The following ST7 variants were observed in gnomAD, a reference collection of about 807,000 sequenced individuals.
ST7 encodes the protein suppressor of tumorigenicity 7 protein.
In ST7, 28 loss-of-function variants were observed where a neutral mutation model predicts 78.7. The observed-to-expected ratio is 0.36, with a 90% CI of 0.26 to 0.49. ST7 has a LOEUF of 0.49. ST7 is among the 20% of genes least tolerant of loss of function. The pLI, the probability that ST7 is intolerant of heterozygous loss-of-function variation, is 0.99. For missense variants in ST7, 418 were observed against 696.0 expected (o/e 0.60, Z 4.49); for synonymous variants, 247 against 249.6 (o/e 0.99, Z 0.10).
intron 1 of ST7, chr7:116,959,181 A>G: frequency 8.5e-6 from 4 of 469,078 alleles, no homozygotes; most frequent in South Asian, 6.2e-5. Context: ...CACCAGGAGT[A>G]GATTCTATCT....
chr7:117,075,204 T>C (rs1260768804), intron 1 of ST7, among the ~76,000 whole-genome samples: 1 of 152,232 alleles, frequency 6.6e-6, no homozygotes, highest in Non-Finnish European at 1.5e-5. Context: ...CATGAAAATT[T>C]ATACTAATGG....
chr7:117,141,599 G>A (rs1315913870), intron 9 of ST7, among the ~76,000 whole-genome samples: 1 of 152,186 alleles, frequency 6.6e-6, no homozygotes, highest in Non-Finnish European at 1.5e-5. Flanking sequence ...CCTTACTGCT[G>A]AAGGAATATT....
intron 1 of ST7, chr7:116,954,907 CA>C (rs1274367706): frequency 3.5e-6 from 1 of 285,120 alleles, no homozygotes; most frequent in African/African-American, 2.2e-5. Flanking sequence ...TTGTACCTTT[CA>C]GATACTAACT....
intron 10 of ST7, chr7:117,184,157 G>A (rs1051954544): frequency 3.3e-5 from 5 of 152,374 alleles, no homozygotes; most frequent in Middle Eastern, 6.8e-3. Context: ...AGATGGCAAA[G>A]AGGTGGAAGA....
At position 117,070,941 on chromosome 7, in the gene ST7, T is replaced by C. The variant is rs150844486; in HGVS notation, c.152-28821T>C. On this transcript the variant is annotated intron_variant, in intron 1 of 15. Transcript: ENST00000323984. ...ATTTTTTGTGCATTTCACCACCATC[T>C]AAAAAACTATATTCCAGCCTGTAAT... 9.7e-4 allele frequency among the ~76,000 whole-genome samples: 147 copies of C among 151,692 alleles called. 1 individual carries two copies. The highest frequency in any genetic ancestry group is 3.4e-3 in the Middle Eastern group (1 of 294).
intron 1 of ST7, chr7:116,968,359 C>T (rs1160380066): frequency 2.6e-6 from 1 of 386,888 alleles, no homozygotes; most frequent in South Asian, 1.8e-5. Context: ...CTCCCTCCTT[C>T]TTCCTTCTTC....
chr7:117,206,274 G>A (rs970184132), intron 12 of ST7, among the ~76,000 whole-genome samples: 22 of 152,204 alleles, frequency 1.4e-4, no homozygotes, highest in Non-Finnish European at 2.4e-4. Flanking sequence ...GATTAGGCCA[G>A]GGATGTTCAC....
chr7:116,964,958 T>C (rs1055119512), intron 1 of ST7, among the ~76,000 whole-genome samples: 3 of 152,202 alleles, frequency 2.0e-5, no homozygotes, highest in Non-Finnish European at 4.4e-5. Flanking sequence ...GCAAATTCTG[T>C]TCTTAGAGGG....
intron 1 of ST7, chr7:116,972,915 G>T: frequency 7.6e-7 from 1 of 1,319,048 alleles, no homozygotes; most frequent in Non-Finnish European, 1.1e-6. Flanking sequence ...CAGCCATGGT[G>T]CCCACTCAGC....
intron 1 of ST7, among the ~76,000 whole-genome samples, chr7:116,977,879 A>G (rs1311042210): frequency 6.6e-6 from 1 of 152,246 alleles, no homozygotes; most frequent in African/African-American, 2.4e-5. Context: ...AAAGAAGCAC[A>G]GGCCATACCT....
chr7:117,003,522 T>C (rs993778429), intron 1 of ST7, among the ~76,000 whole-genome samples: 2 of 152,152 alleles, frequency 1.3e-5, no homozygotes, highest in Admixed American at 6.5e-5. Context: ...GGTCTTGAAC[T>C]CCTGACCTCA....
chr7:117,138,558 C>T, intron 9 of ST7, 26 bp downstream of exon 9: 1 of 1,516,116 alleles, frequency 6.6e-7, no homozygotes, highest in South Asian at 1.2e-5. Context: ...TGTTTGGGAT[C>T]AGTGGCTTAC....
At position 116,979,845 on chromosome 7, in the gene ST7, G is replaced by A. The variant is rs370797157; in HGVS notation, c.151+26154G>A. On this transcript the variant is annotated intron_variant, in intron 1 of 15. Transcript: ENST00000323984. The stretch of plus-strand genomic sequence containing the variant: ...GAGCGCCACTGCATGTTTCTGGCTT[G>A]ATACTCACTGCTTTTCTTCATACAC... Among the ~76,000 whole-genome samples the A allele has an allele frequency of 3.3e-5, 5 of 151,616 alleles. No individual in the cohort carries two copies. In the East Asian group the frequency reaches 5.8e-4, roughly 18 times the overall value.
At chr7:117,148,306 G>A (rs1426096438) in intron 9 of ST7, among the ~76,000 whole-genome samples, 1 of 152,084 alleles carries the variant, frequency 6.6e-6, no homozygotes, top group Non-Finnish European at 1.5e-5. Context: ...TTTAACATAT[G>A]TTAAGAATAC....
intron 9 of ST7, among the ~76,000 whole-genome samples, chr7:117,157,867 A>T (rs1051124493): frequency 6.6e-6 from 1 of 152,140 alleles, no homozygotes; most frequent in South Asian, 2.1e-4. Context: ...TTTGTTCATG[A>T]TCTCCGGGCT....
intron 4 of ST7, among the ~76,000 whole-genome samples, 191 bp downstream of exon 4, chr7:117,130,038 A>T (rs1563105207): frequency 6.6e-6 from 1 of 151,916 alleles, no homozygotes; most frequent in African/African-American, 2.4e-5. Context: ...GGGATAATGT[A>T]CAAAAATGTG....
chr7:117,097,908 A>ATATATATATATATTTTTTT, intron 1 of ST7, among the ~76,000 whole-genome samples: 4 of 30,012 alleles, frequency 1.3e-4, no homozygotes, highest in Non-Finnish European at 1.6e-4. Context: ...ATATATATAT[A>ATATATATATATATTTTTTT]TTTTTTTTTT....
chr7:117,011,771 C>T (rs1264183929), intron 1 of ST7, among the ~76,000 whole-genome samples: 1 of 152,040 alleles, frequency 6.6e-6, no homozygotes, highest in East Asian at 1.9e-4. Context: ...CTTAGGTGAA[C>T]GTTATACGTT....
chr7:117,073,987 A>G (rs926389014), intron 1 of ST7: 3 of 152,278 alleles, frequency 2.0e-5, no homozygotes, highest in African/African-American at 7.2e-5. Flanking sequence ...TTTGACCTCA[A>G]TCCTTTTGAA....
Sources: gnomAD v4.1 joint callset for allele counts (sites outside exome capture counted in the v4.1 genomes callset) on GRCh38, gnomAD v4.1.1 for gene constraint, MANE v1.5 for transcripts, NCBI Gene and HGNC (gene_info 2026-07-23, HGNC 2026-07-21) for gene names.